The following PARD3B variants were observed in gnomAD, a reference collection of about 807,000 sequenced individuals.
The protein encoded by PARD3B is partitioning defective 3 homolog B.
PARD3B carries 103 observed loss-of-function variants against 130.2 expected under a neutral mutation model. That is an observed-to-expected ratio of 0.79 (90% CI 0.67 to 0.93). The LOEUF is 0.93. Among genes scored for constraint, PARD3B ranks in the 40% least tolerant of loss-of-function variants. The pLI is 0.00. For missense variants in PARD3B, 1,609 were observed against 1,499.2 expected, an observed-to-expected ratio of 1.07 and a Z score of -1.21; for synonymous variants, 583 against 553.2, an observed-to-expected ratio of 1.05 and a Z score of -0.76.
intron 19 of PARD3B, among the ~76,000 whole-genome samples, chr2:205,409,230 C>T (rs989698163): frequency 2.2e-4 from 33 of 151,858 alleles, no homozygotes; most frequent in Admixed American, 1.4e-3. Flanking sequence ...TATTGATGCT[C>T]GTGTAAAGGT....
chr2:204,684,484 A>G (rs1186768278), intron 1 of PARD3B, among the ~76,000 whole-genome samples: 3 of 152,178 alleles, frequency 2.0e-5, no homozygotes, highest in African/African-American at 4.8e-5. Context: ...ATTTGAAGAA[A>G]TATGTTGCTT....
intron 2 of PARD3B, among the ~76,000 whole-genome samples, chr2:204,786,258 T>C (rs949346813): frequency 2.0e-5 from 3 of 152,270 alleles, no homozygotes; most frequent in Middle Eastern, 3.4e-3. Context: ...AGGCACAGTT[T>C]GATTCTATGG....
intron 16 of PARD3B, among the ~76,000 whole-genome samples, chr2:205,275,837 CAAAAAAAAAAAA>C (rs59238795): frequency 3.3e-5 from 2 of 60,652 alleles, no homozygotes; most frequent in South Asian, 9.4e-4. Flanking sequence ...AACTTTGTCT[CAAAAAAAAAAAA>C]AAAAAAAAAA....
At position 205,575,506 on chromosome 2, in the gene PARD3B, A is replaced by G. The variant is rs941250902; in HGVS notation, c.3260+22103A>G. On this transcript the variant is annotated intron_variant, in intron 22 of 22. Transcript: ENST00000406610. This position sits in a 1 kb window ranked among gnomAD's most constrained non-coding sequence, Gnocchi z 4.6. ...ATGCAAAGTGTTTTTACTGCCCTAA[A>G]AATCTTAAGTGCTCTTCCTAGTCAT... Among the ~76,000 whole-genome samples the G allele has an allele frequency of 2.9e-4, 44 of 151,880 alleles. No individual in the cohort carries two copies. Among genetic ancestry groups the G allele is most frequent in the African/African-American group, 9.4e-4 (39 of 41,326 alleles).
chr2:205,035,729 C>T (rs1407848833), intron 3 of PARD3B, among the ~76,000 whole-genome samples: 1 of 143,346 alleles, frequency 7.0e-6, no homozygotes, highest in African/African-American at 2.6e-5. Context: ...AAAAATAGTC[C>T]ATTATATATA....
chr2:204,581,423 A>C (rs2032548017), intron 1 of PARD3B, among the ~76,000 whole-genome samples: 1 of 152,150 alleles, frequency 6.6e-6, no homozygotes, highest in African/African-American at 2.4e-5. Flanking sequence ...TTACTCTGTA[A>C]CTAAAAATGT....
intron 2 of PARD3B, among the ~76,000 whole-genome samples, chr2:204,804,567 G>C (rs2042696242): frequency 6.6e-6 from 1 of 152,138 alleles, no homozygotes; most frequent in African/African-American, 2.4e-5. Context: ...TCTGCTTCTA[G>C]CATTGGACAG....
intron 1 of PARD3B, among the ~76,000 whole-genome samples, chr2:204,637,402 T>C (rs2034922811): frequency 6.6e-6 from 1 of 152,204 alleles, no homozygotes. Context: ...AGGTTTAATA[T>C]ACCTCCAGTT....
At chr2:205,234,779 C>T (rs114059656) in intron 15 of PARD3B, among the ~76,000 whole-genome samples, 2,112 of 152,074 alleles carry the variant, frequency 0.014, 50 homozygotes, top group African/African-American at 0.048. Flanking sequence ...GGACATACCG[C>T]ATTCTGGACT....
rs1011396238 is a variant in PARD3B at position 205,116,570 on chromosome 2, G to A, written c.681-2351G>A. 1.2e-4 allele frequency among the ~76,000 whole-genome samples: 19 copies of A among 152,076 alleles called. No individual in the cohort carries two copies. Among genetic ancestry groups the A allele is most frequent in the African/African-American group, 3.4e-4 (14 of 41,402 alleles). The stretch of plus-strand genomic sequence containing the variant: ...GGTTAGTCTCGGCCTATAACTCCTC[G>A]ACAGCATTAATCTTTAAATTCTGCG... On this transcript the variant is annotated intron_variant, in intron 6 of 22. Coordinates refer to ENST00000406610, the MANE Select transcript of PARD3B (RefSeq NM_001302769.2). This position sits in a 1 kb window ranked among gnomAD's most constrained non-coding sequence, Gnocchi z 4.5.
chr2:205,031,561 G>A (rs1697425513), intron 3 of PARD3B, among the ~76,000 whole-genome samples: 1 of 152,154 alleles, frequency 6.6e-6, no homozygotes, highest in South Asian at 2.1e-4. Flanking sequence ...TTTGGAGTGA[G>A]TGGTAGGCCT....
intron 18 of PARD3B, among the ~76,000 whole-genome samples, chr2:205,378,324 G>C (rs971815512): frequency 6.6e-6 from 1 of 152,196 alleles, no homozygotes; most frequent in African/African-American, 2.4e-5. Context: ...TGAACAGGCA[G>C]GTTGAACAAA....
intron 1 of PARD3B, among the ~76,000 whole-genome samples, chr2:204,607,152 T>C (rs1307021219): frequency 1.3e-5 from 2 of 152,148 alleles, no homozygotes; most frequent in Non-Finnish European, 2.9e-5. Flanking sequence ...CTTAGCAAAA[T>C]GGAAAGATAT....
At chr2:204,628,134 G>T (rs1377894984) in intron 1 of PARD3B, among the ~76,000 whole-genome samples, 2 of 151,780 alleles carry the variant, frequency 1.3e-5, no homozygotes, top group Non-Finnish European at 1.5e-5. Flanking sequence ...TGTTTAACTT[G>T]GTTTTCTTGA....
Position 205,584,320 on chromosome 2 carries a change from G to C in PARD3B, c.3260+30917G>C, listed in dbSNP as rs2054112266. ...CATTATCATACTTTGGATATATTGG[G>C]TTAAGTAAAATAAATTATTAAAATT... On this transcript the variant is annotated intron_variant, in intron 22 of 22. Transcript: ENST00000406610. This position sits in a 1 kb window ranked among gnomAD's most constrained non-coding sequence, Gnocchi z 5.5. Among the ~76,000 whole-genome samples the C allele has an allele frequency of 6.6e-6, 1 of 152,146 alleles. No individual in the cohort carries two copies. The highest frequency in any genetic ancestry group is 2.4e-5 in the African/African-American group (1 of 41,420).
chr2:204,621,982 T>G (rs2034318312), intron 1 of PARD3B, among the ~76,000 whole-genome samples: 1 of 152,194 alleles, frequency 6.6e-6, no homozygotes. Context: ...TTATTTCAAC[T>G]CTGACATAGG....
Position 204,614,376 on chromosome 2 carries a change from A to T in PARD3B, c.120+68257A>T, listed in dbSNP as rs189482047. Among the ~76,000 whole-genome samples, 1,128 of 152,196 alleles carry T rather than the reference A, an allele frequency of 7.4e-3. 9 individuals carry two copies. Among genetic ancestry groups the T allele is most frequent in the Non-Finnish European group, 0.012 (832 of 67,998 alleles). ...ATACTTAGAGTATATCTCAATTCAG[A>T]CTAATCATATTTCAAGGGTTCAGGG... On this transcript the variant is annotated intron_variant, in intron 1 of 22. Transcript: ENST00000406610.
chr2:204,670,750 T>C (rs1329718449), intron 1 of PARD3B, among the ~76,000 whole-genome samples: 4 of 152,218 alleles, frequency 2.6e-5, no homozygotes, highest in Non-Finnish European at 5.9e-5. Context: ...GCAGCTATTG[T>C]TACTTTTGAG....
At chr2:204,854,688 C>G (rs1465920494) in intron 2 of PARD3B, among the ~76,000 whole-genome samples, 1 of 152,104 alleles carries the variant, frequency 6.6e-6, no homozygotes, top group African/African-American at 2.4e-5. Flanking sequence ...AAAATGTCTC[C>G]TGAACAGAGG....
Sources: gnomAD v4.1 joint callset for allele counts (sites outside exome capture counted in the v4.1 genomes callset) on GRCh38, gnomAD v4.1.1 for gene constraint, Gnocchi (gnomAD v3.1) non-coding constraint, MANE v1.5 for transcripts, NCBI Gene and HGNC (gene_info 2026-07-23, HGNC 2026-07-21) for gene names.